KPNA4: variants seen among roughly 807,000 people sequenced by gnomAD.
KPNA4 encodes karyopherin subunit alpha 4.
A neutral mutation model predicts 71.3 loss-of-function variants in KPNA4; 13 were observed. The ratio of observed to expected loss-of-function variants is 0.18; its 90% CI spans 0.12 to 0.29. The LOEUF (loss-of-function observed/expected upper bound fraction) is 0.29. Among genes scored for constraint, KPNA4 ranks in the 10% least tolerant of loss-of-function variants. KPNA4 has a pLI of 1.00. For synonymous variants in KPNA4, 189 were observed against 195.2 expected (o/e 0.97, Z 0.26); for missense variants, 334 against 603.2 (o/e 0.55, Z 4.67).
intron 1 of KPNA4, among the ~76,000 whole-genome samples, chr3:160,543,608 C>G (rs766554031): frequency 3.3e-5 from 5 of 152,120 alleles, no homozygotes; most frequent in Non-Finnish European, 7.3e-5. Context: ...GCTAGATTTA[C>G]AAGTGTGAGC....
chr3:160,546,988 G>A (rs1721924250), intron 1 of KPNA4, among the ~76,000 whole-genome samples: 1 of 152,204 alleles, frequency 6.6e-6, no homozygotes, highest in East Asian at 1.9e-4. Flanking sequence ...TTCTGGTGAT[G>A]TTTCCAGGGT....
At chr3:160,529,992 G>A (rs934208047) in intron 7 of KPNA4, among the ~76,000 whole-genome samples, 3 of 151,622 alleles carry the variant, frequency 2.0e-5, no homozygotes, top group Non-Finnish European at 4.4e-5. Flanking sequence ...AAAACTAGCC[G>A]GGCGTGGTGG....
In KPNA4 at chr3:160,546,344, C is replaced by A. The variant is rs145921296; in HGVS notation, c.70-9504G>T. Reference sequence around the variant, plus strand: ...ACCAGCCTGGGCAACATGGCGAAACCCTGACTCTACTATAAACACAAAAAT... The same window carrying A: ...ACCAGCCTGGGCAACATGGCGAAACACTGACTCTACTATAAACACAAAAAT... On this transcript the variant is annotated intron_variant, in intron 1 of 16. Coordinates refer to ENST00000334256, the MANE Select transcript of KPNA4 (RefSeq NM_002268.5). Among the ~76,000 whole-genome samples the A allele has an allele frequency of 1.3e-3, 200 of 152,142 alleles. 1 individual carries two copies. Among genetic ancestry groups the A allele is most frequent in the African/African-American group, 4.6e-3 (189 of 41,488 alleles).
At chr3:160,543,464 A>T (rs892557373) in intron 1 of KPNA4, among the ~76,000 whole-genome samples, 1 of 151,052 alleles carries the variant, frequency 6.6e-6, no homozygotes, top group Non-Finnish European at 1.5e-5. Context: ...CCTGGAGTAG[A>T]TGGGACTACA....
intron 1 of KPNA4, chr3:160,564,617 GT>G: frequency 6.6e-6 from 1 of 152,284 alleles, no homozygotes. Flanking sequence ...CGCCGGGGGT[GT>G]TTTTTTCAAC....
In KPNA4 at chr3:160,507,890, C is replaced by T. The variant is rs559909533; in HGVS notation, c.1372+217G>A. 1.2e-4 allele frequency among the ~76,000 whole-genome samples: 18 copies of T among 152,360 alleles called. No individual in the cohort carries two copies. In the South Asian group the frequency reaches 3.5e-3, roughly 30 times the overall value. On this transcript the variant is annotated intron_variant, in intron 15 of 16. Coordinates refer to ENST00000334256, the MANE Select transcript of KPNA4 (RefSeq NM_002268.5). ...TTGTTTACCACTGTCTTCCCAGTAA[C>T]TTATCACAGTGCCTGTTCAATATAT...
intron 1 of KPNA4, among the ~76,000 whole-genome samples, chr3:160,540,184 A>G (rs531979641): frequency 6.6e-6 from 1 of 151,836 alleles, no homozygotes; most frequent in African/African-American, 2.4e-5. Flanking sequence ...TGTTTTTAGT[A>G]GAGATGGGGT....
intron 1 of KPNA4, among the ~76,000 whole-genome samples, chr3:160,538,912 G>A (rs1721740341): frequency 6.6e-6 from 1 of 152,088 alleles, no homozygotes; most frequent in Non-Finnish European, 1.5e-5. Context: ...CTGCACTTCA[G>A]TTTCCTTATC....
chr3:160,539,784 A>G (rs1721760587), intron 1 of KPNA4, among the ~76,000 whole-genome samples: 3 of 152,150 alleles, frequency 2.0e-5, no homozygotes, highest in Non-Finnish European at 2.9e-5. Context: ...GTCTAAGGAA[A>G]GTTTTTATTA....
intron 10 of KPNA4, among the ~76,000 whole-genome samples, chr3:160,525,457 G>A (rs1721440187): frequency 1.3e-5 from 2 of 152,058 alleles, no homozygotes; most frequent in African/African-American, 4.8e-5. Context: ...TTAAAGACAT[G>A]ATCTTAGTAA....
At chr3:160,534,019 A>C (rs1299896946) in intron 5 of KPNA4, among the ~76,000 whole-genome samples, 2 of 152,264 alleles carry the variant, frequency 1.3e-5, no homozygotes, top group Non-Finnish European at 2.9e-5. Context: ...TTTTCTGCCT[A>C]CATAAAGAAT....
rs992722267 is a variant in KPNA4, at chr3:160,565,463, C to A, written c.-181G>T. On this transcript the variant is annotated 5_prime_UTR_variant, in exon 1 of 17. Transcript: ENST00000334256. ...CTTCTCCTCTCCCCGCCCGCCCCCC[C>A]GCCCTAACCCCAGCGCGACTGCAGC... 3.4e-6 allele frequency: 2 copies of A among 580,538 alleles called. No individual in the cohort carries two copies. Among genetic ancestry groups the A allele is most frequent in the South Asian group, 2.1e-5 (1 of 48,464 alleles). 36.0% of individuals were successfully genotyped at this position (580,538 alleles called of 1,614,324 possible). A position where few individuals can be genotyped will look rare whatever the true frequency, so the allele number is the denominator to read the frequency against.
Position 160,497,628 on chromosome 3 carries a change from C to G in KPNA4, c.*4476G>C, listed in dbSNP as rs1427237243. 1 of 152,128 alleles carries G rather than the reference C, an allele frequency of 6.6e-6. No individual in the cohort carries two copies. The highest frequency in any genetic ancestry group is 2.4e-5 in the African/African-American group (1 of 41,426). 9.4% of individuals were successfully genotyped at this position (152,128 alleles called of 1,614,324 possible). On this transcript the variant is annotated 3_prime_UTR_variant, in exon 17 of 17. Transcript: ENST00000334256. ...TGTTTGGGAGTATTGCCTCAGATAT[C>G]TGGGCAAAATTTTTTCCTCCCATAA... is the stretch of plus-strand genomic sequence containing the variant.
chr3:160,557,475 G>A (rs1260856607), intron 1 of KPNA4, among the ~76,000 whole-genome samples: 2 of 152,046 alleles, frequency 1.3e-5, no homozygotes, highest in Non-Finnish European at 2.9e-5. Flanking sequence ...CACTGAACTA[G>A]TAAAAAACAT....
intron 1 of KPNA4, among the ~76,000 whole-genome samples, chr3:160,548,415 G>A (rs1023860638): frequency 2.0e-5 from 3 of 151,954 alleles, no homozygotes; most frequent in African/African-American, 7.2e-5. Flanking sequence ...AACTATCCTG[G>A]TCTTGCAAAA....
chr3:160,530,357 T>C (rs1035274989), intron 7 of KPNA4, among the ~76,000 whole-genome samples: 1 of 151,916 alleles, frequency 6.6e-6, no homozygotes, highest in South Asian at 2.1e-4. Flanking sequence ...CACATGCCTG[T>C]AGTCCCAGCT....
At chr3:160,523,245 T>C (rs1287307743) in intron 10 of KPNA4, among the ~76,000 whole-genome samples, 1 of 151,866 alleles carries the variant, frequency 6.6e-6, no homozygotes, top group Non-Finnish European at 1.5e-5. Flanking sequence ...CCAAGGCAGG[T>C]GGACTGCTTG....
At chr3:160,521,944 A>G in intron 10 of KPNA4, 34 bp from the exon 11 acceptor site, 1 of 1,566,208 alleles carries the variant, frequency 6.4e-7, no homozygotes, top group Middle Eastern at 1.9e-4. Context: ...AACAACTTTT[A>G]AATATTTTCT....
intron 10 of KPNA4, among the ~76,000 whole-genome samples, chr3:160,523,411 A>C (rs1009689008): frequency 2.0e-5 from 3 of 152,240 alleles, no homozygotes; most frequent in Admixed American, 6.5e-5. Flanking sequence ...TAGGACACCC[A>C]AGAGAAAATA....
Sources: allele counts gnomAD v4.1 joint callset (sites outside exome capture counted in the v4.1 genomes callset), GRCh38; gene constraint gnomAD v4.1.1; transcripts MANE v1.5; gene names NCBI Gene and HGNC (gene_info 2026-07-23, HGNC 2026-07-21).